The following PEMT variants were observed in gnomAD, a reference collection of about 807,000 sequenced individuals.
The protein encoded by PEMT is phospholipid methyltransferase.
PEMT carries 23 observed loss-of-function variants against 27.4 expected under a neutral mutation model. The observed-to-expected ratio is 0.84, with a 90% CI of 0.60 to 1.19. PEMT has a LOEUF of 1.19. PEMT is among the 50% of genes most tolerant of loss of function. The pLI, the probability that PEMT is intolerant of heterozygous loss-of-function variation, is 0.00. For missense variants in PEMT, 307 were observed against 310.1 expected (o/e 0.99, Z 0.07); for synonymous variants, 137 against 139.1 (o/e 0.98, Z 0.11).
At chr17:17,574,244 C>CAAA (rs1158184847) in intron 2 of PEMT, among the ~76,000 whole-genome samples, 1 of 45,220 alleles carries the variant, frequency 2.2e-5, no homozygotes, top group Non-Finnish European at 5.3e-5. Flanking sequence ...AGCTTATGAC[C>CAAA]AAAAAAAAAA....
intron 2 of PEMT, among the ~76,000 whole-genome samples, chr17:17,555,991 G>A (rs1910023899): frequency 6.6e-6 from 1 of 152,236 alleles, no homozygotes; most frequent in African/African-American, 2.4e-5. Context: ...ATGCTCTGAG[G>A]CCTTGAAGTG....
At chr17:17,536,679 C>T (rs1386952540) in intron 2 of PEMT, among the ~76,000 whole-genome samples, 3 of 152,190 alleles carry the variant, frequency 2.0e-5, no homozygotes, top group South Asian at 4.1e-4. Context: ...CCTTCCTCAC[C>T]CAGTGGGAAA....
Position 17,509,474 on chromosome 17 carries a change from A to G in PEMT, c.538T>C (p.Tyr180His). The change falls in exon 5 of 7, where the codon TAC becomes CAC. Residue 180 changes from tyrosine to histidine, a missense_variant. Transcript: ENST00000255389. ...FPFNILDNPM[Y>H]WGSTANYLGW... ...AGGTAGTTGGCTGTGCTTCCCCAGTACATGGGGTTGTCCAGGATGTTGAAG... is the reference window on the plus strand; with the variant it reads ...AGGTAGTTGGCTGTGCTTCCCCAGTGCATGGGGTTGTCCAGGATGTTGAAG... 6.2e-7 allele frequency: 1 copy of G among 1,613,948 alleles called. No homozygotes were observed. The highest frequency in any genetic ancestry group is 1.1e-5 in the South Asian group (1 of 91,058).
At chr17:17,579,983 G>A (rs28583584) in intron 1 of PEMT, among the ~76,000 whole-genome samples, 10,643 of 152,204 alleles carry the variant, frequency 0.07, 444 homozygotes, top group African/African-American at 0.11. Context: ...GCCTCCCAAC[G>A]CCTGGGGCTG....
intron 2 of PEMT, among the ~76,000 whole-genome samples, chr17:17,574,482 G>A (rs1911447378): frequency 6.6e-6 from 1 of 151,974 alleles, no homozygotes; most frequent in Admixed American, 6.6e-5. Flanking sequence ...ATCACATCCG[G>A]CTAAATTTTT....
chr17:17,559,366 A>C (rs1358030788), intron 2 of PEMT, among the ~76,000 whole-genome samples: 1 of 152,254 alleles, frequency 6.6e-6, no homozygotes, highest in Non-Finnish European at 1.5e-5. Context: ...ACAGAGGCTA[A>C]CTGACCTGCT....
chr17:17,552,873 T>C (rs1909759035), intron 2 of PEMT, among the ~76,000 whole-genome samples: 1 of 152,154 alleles, frequency 6.6e-6, no homozygotes, highest in Non-Finnish European at 1.5e-5. Flanking sequence ...AACAACCTTT[T>C]CTGAACACAC....
intron 1 of PEMT, among the ~76,000 whole-genome samples, chr17:17,583,083 G>A (rs1251211660): frequency 6.8e-6 from 1 of 147,108 alleles, no homozygotes; most frequent in Non-Finnish European, 1.5e-5. Context: ...AAAAGAAGAA[G>A]TTTATTCTCT....
chr17:17,535,060 G>A (rs1030564640), intron 2 of PEMT, among the ~76,000 whole-genome samples: 3 of 151,724 alleles, frequency 2.0e-5, no homozygotes, highest in Non-Finnish European at 2.9e-5. Context: ...ACAGGTGTGC[G>A]CCCCTATGCC....
intron 2 of PEMT, among the ~76,000 whole-genome samples, chr17:17,538,595 A>G (rs944072023): frequency 3.9e-5 from 6 of 152,162 alleles, no homozygotes; most frequent in African/African-American, 1.4e-4. Context: ...ATTAAAGGGG[A>G]AGAGGCAGTT....
intron 2 of PEMT, among the ~76,000 whole-genome samples, chr17:17,526,212 C>T (rs1020461475): frequency 6.6e-6 from 1 of 152,132 alleles, no homozygotes; most frequent in Admixed American, 6.6e-5. Context: ...ATGCCGGCTC[C>T]TTTTCTTTTT....
intron 2 of PEMT, among the ~76,000 whole-genome samples, chr17:17,543,282 T>C (rs926475048): frequency 7.9e-5 from 12 of 152,218 alleles, no homozygotes; most frequent in African/African-American, 2.7e-4. Context: ...CTCCACACTG[T>C]CCTTTCCTTC....
At chr17:17,544,406 G>C (rs992075715) in intron 2 of PEMT, among the ~76,000 whole-genome samples, 1 of 151,586 alleles carries the variant, frequency 6.6e-6, no homozygotes, top group Non-Finnish European at 1.5e-5. Flanking sequence ...TCAGCCTCCC[G>C]AGTAGCTGGG....
chr17:17,529,709 A>T (rs1245146688), intron 2 of PEMT, among the ~76,000 whole-genome samples: 2 of 151,956 alleles, frequency 1.3e-5, no homozygotes, highest in African/African-American at 4.8e-5. Flanking sequence ...CAACCTCTTC[A>T]CTCCGTTTTG....
At chr17:17,541,151 C>T (rs868865153) in intron 2 of PEMT, among the ~76,000 whole-genome samples, 9 of 152,202 alleles carry the variant, frequency 5.9e-5, no homozygotes, top group Non-Finnish European at 1.0e-4. Flanking sequence ...AATTGTGCTC[C>T]GCCTGCTGCT....
intron 1 of PEMT, among the ~76,000 whole-genome samples, chr17:17,580,844 G>A (rs1366863938): frequency 1.3e-5 from 2 of 152,106 alleles, no homozygotes; most frequent in South Asian, 2.1e-4. Context: ...TGGCTTTGCC[G>A]GTTGCTCCCC....
intron 2 of PEMT, among the ~76,000 whole-genome samples, chr17:17,528,244 C>T (rs1907838356): frequency 6.6e-6 from 1 of 152,244 alleles, no homozygotes; most frequent in Non-Finnish European, 1.5e-5. Flanking sequence ...GCTTCTACAG[C>T]TGGACCCACC....
rs1274320444 is a variant in PEMT, at chr17:17,561,394, C to G, written c.204+15526G>C. On this transcript the variant is annotated intron_variant, in intron 2 of 6. Transcript: ENST00000255389. This position sits in a 1 kb window ranked among gnomAD's most constrained non-coding sequence, Gnocchi z 4.5. The stretch of plus-strand genomic sequence containing the variant: ...GCTGCAAGCTGGAAGCTAAGTCCCC[C>G]TGAGTCCCTGCCTGAGCCCAACCTG... Among the ~76,000 whole-genome samples, 1 of 152,226 alleles carries G rather than the reference C, an allele frequency of 6.6e-6. No homozygotes were observed. Among genetic ancestry groups the G allele is most frequent in the Non-Finnish European group, 1.5e-5 (1 of 68,036 alleles).
At chr17:17,534,023 G>A (rs1174945417) in intron 2 of PEMT, among the ~76,000 whole-genome samples, 3 of 152,144 alleles carry the variant, frequency 2.0e-5, no homozygotes, top group Non-Finnish European at 4.4e-5. Context: ...ACTGCATCCA[G>A]CCCAGTTTGG....
Sources: gnomAD v4.1 joint callset for allele counts (sites outside exome capture counted in the v4.1 genomes callset) on GRCh38, gnomAD v4.1.1 for gene constraint, Gnocchi (gnomAD v3.1) non-coding constraint, MANE v1.5 for transcripts, NCBI Gene and HGNC (gene_info 2026-07-23, HGNC 2026-07-21) for gene names.